The following ERICH1 variants were observed in gnomAD, a reference collection of about 807,000 sequenced individuals.
ERICH1 encodes glutamate-rich protein 1.
Under a neutral mutation model 39.6 loss-of-function variants are expected in ERICH1, and 56 were observed. That is an observed-to-expected ratio of 1.41 (90% CI 1.14 to 1.77). ERICH1 has a LOEUF of 1.77. Among genes scored for constraint, ERICH1 ranks in the 40% most tolerant of loss-of-function variants. The pLI, the probability that ERICH1 is intolerant of heterozygous loss-of-function variation, is 0.00. For missense variants in ERICH1, 826 were observed against 575.4 expected, an observed-to-expected ratio of 1.44 and a Z score of -4.45; for synonymous variants, 313 against 223.6, an observed-to-expected ratio of 1.40 and a Z score of -3.57.
chr8:689,907 G>C (rs543635553), intron 3 of ERICH1, among the ~76,000 whole-genome samples: 5 of 152,156 alleles, frequency 3.3e-5, no homozygotes, highest in African/African-American at 1.2e-4. Context: ...CCAGGACCGT[G>C]AGCAGAAGAG....
intron 3 of ERICH1, among the ~76,000 whole-genome samples, chr8:627,534 A>G (rs988443474): frequency 1.3e-5 from 2 of 152,240 alleles, no homozygotes; most frequent in African/African-American, 4.8e-5. Context: ...CAAGTTTTAC[A>G]AAGCGTCAGT....
chr8:638,955 CTA>C (rs1798683034), intron 3 of ERICH1, among the ~76,000 whole-genome samples: 1 of 152,140 alleles, frequency 6.6e-6, no homozygotes, highest in Non-Finnish European at 1.5e-5. Flanking sequence ...CCATAAACGC[CTA>C]TCTTTCCAGG....
intron 1 of ERICH1, among the ~76,000 whole-genome samples, chr8:726,039 C>T (rs1441120353): frequency 2.0e-5 from 3 of 152,202 alleles, no homozygotes; most frequent in Admixed American, 6.5e-5. Flanking sequence ...TCCTGCAGCA[C>T]AGCAATGACT....
downstream of ERICH1, among the ~76,000 whole-genome samples, chr8:662,555 G>A (rs766316496): frequency 4.6e-5 from 7 of 152,152 alleles, no homozygotes; most frequent in Admixed American, 3.9e-4. Context: ...GGCTGAGGCT[G>A]GAGAATCGCT....
chr8:704,817 G>GC (rs1585511749), intron 2 of ERICH1, among the ~76,000 whole-genome samples: 1 of 152,120 alleles, frequency 6.6e-6, no homozygotes, highest in Non-Finnish European at 1.5e-5. Flanking sequence ...GACTCTGAAA[G>GC]GGGGGGTGGT....
chr8:730,208 C>A (rs924516195), intron 1 of ERICH1, among the ~76,000 whole-genome samples: 8 of 152,338 alleles, frequency 5.3e-5, no homozygotes, highest in African/African-American at 1.7e-4. Flanking sequence ...GGTGACAATT[C>A]CCTGGTCCTG....
rs761231123 is a variant in ERICH1 at position 673,687 on chromosome 8, C to A, written c.665G>T (p.Gly222Val). 1.7e-5 allele frequency: 27 copies of A among 1,613,740 alleles called. No individual in the cohort carries two copies. The highest frequency in any genetic ancestry group is 1.5e-4 in the South Asian group (14 of 91,066). Residue 222 changes from glycine to valine, a missense_variant, in exon 4 of 6, where the codon GGG becomes GTG. By Grantham distance (109) the Gly-to-Val change is moderately radical. Transcript: ENST00000262109. The stretch of plus-strand genomic sequence containing the variant: ...CCTGGTATCTTTAACGTCTTCCTCC[C>A]CGGCCAGTGTCGGGTCTTCCTCGCT... ...DTSEEDPTLA[G>V]EEDVKDTREE...
exon 4 of ERICH1, chr8:615,026 T>G (rs1385797841): frequency 4.5e-6 from 2 of 447,830 alleles, no homozygotes; most frequent in African/African-American, 4.0e-5. Context: ...CAAGCCACCT[T>G]GGAGCAGACG....
chr8:642,595 C>T (rs1267166283), intron 3 of ERICH1, among the ~76,000 whole-genome samples: 3 of 151,974 alleles, frequency 2.0e-5, no homozygotes, highest in Non-Finnish European at 4.4e-5. Context: ...CTGCCCGCCT[C>T]GGCCTCCCAA....
intron 4 of ERICH1, chr8:669,098 C>T (rs1334207045): frequency 3.2e-5 from 10 of 309,298 alleles, no homozygotes; most frequent in South Asian, 1.4e-4. Context: ...TCTGGTGAGA[C>T]GCCTCCCCTG....
At chr8:632,870 G>C (rs145698815) in intron 3 of ERICH1, among the ~76,000 whole-genome samples, 1 of 152,336 alleles carries the variant, frequency 6.6e-6, no homozygotes, top group Non-Finnish European at 1.5e-5. Flanking sequence ...TGTGGGTGGA[G>C]ACCACGGATG....
chr8:617,964 G>A (rs1347370990), intron 3 of ERICH1, among the ~76,000 whole-genome samples: 2 of 143,774 alleles, frequency 1.4e-5, no homozygotes, highest in Non-Finnish European at 3.0e-5. Context: ...CCCTCTGAGT[G>A]CTGGGTGCTC....
intron 1 of ERICH1, chr8:725,470 C>T (rs1818386676): frequency 6.6e-6 from 1 of 152,504 alleles, no homozygotes; most frequent in Admixed American, 6.5e-5. Context: ...CCATCCCCAT[C>T]GAGACCTAGG....
At chr8:618,811 A>C (rs1177513592) in intron 3 of ERICH1, among the ~76,000 whole-genome samples, 1 of 152,140 alleles carries the variant, frequency 6.6e-6, no homozygotes, top group Non-Finnish European at 1.5e-5. Context: ...GCGCCACTTG[A>C]GACAAGGTCC....
intron 3 of ERICH1, among the ~76,000 whole-genome samples, chr8:689,215 G>T (rs1400013717): frequency 6.6e-6 from 1 of 152,164 alleles, no homozygotes; most frequent in Non-Finnish European, 1.5e-5. Context: ...CAGTTCAAGC[G>T]ATTCTCAGGC....
rs1585116657 is a variant in ERICH1, at chr8:664,211, G to A, written c.*392C>T. 1 of 987,800 alleles carries A rather than the reference G, an allele frequency of 1.0e-6. No individual in the cohort carries two copies. Among genetic ancestry groups the A allele is most frequent in the Non-Finnish European group, 1.2e-6 (1 of 831,018 alleles). 61.2% of individuals were successfully genotyped at this position (987,800 alleles called of 1,614,324 possible). On this transcript the variant is annotated 3_prime_UTR_variant, in exon 6 of 6. Transcript: ENST00000262109. ...AACTATATTCAAACTACTTAAACTA[G>A]AACATTTTAATACCCAGAAAGCATT...
In ERICH1 at chr8:731,187, C is replaced by A. The variant is rs1234808206; in HGVS notation, c.-26G>T. The A allele has an allele frequency of 5.3e-6, 8 of 1,495,818 alleles. No homozygotes were observed. Among genetic ancestry groups the A allele is most frequent in the Admixed American group, 2.1e-5 (1 of 46,662 alleles). 92.7% of individuals were successfully genotyped at this position (1,495,818 alleles called of 1,614,324 possible). On this transcript the variant is annotated 5_prime_UTR_variant, in exon 1 of 6. Transcript: ENST00000262109. ...GCGGGACCCTGCCGCGGACCTCAGACCACGGCGCGCGGTCCTGAGCTGAGC... is the reference window on the plus strand; with the variant it reads ...GCGGGACCCTGCCGCGGACCTCAGAACACGGCGCGCGGTCCTGAGCTGAGC...
intron 5 of ERICH1, among the ~76,000 whole-genome samples, chr8:665,167 ACCACAATCGCGATG>A (rs904530264): frequency 4.0e-5 from 6 of 151,498 alleles, no homozygotes; most frequent in Non-Finnish European, 8.8e-5. Flanking sequence ...CAGCCAAGAC[ACCACAATCGCGATG>A]CCACAATCGC....
Position 673,869 on chromosome 8 carries a change from T to C in ERICH1, c.483A>G (p.Lys161=). 2 of 1,613,746 alleles carry C rather than the reference T, an allele frequency of 1.2e-6. No individual in the cohort carries two copies. Among genetic ancestry groups the C allele is most frequent in the Non-Finnish European group, 1.7e-6 (2 of 1,179,996 alleles). ...HTDGTTISKN[K]KRKLKKKQQI... ...GCTGTTTCTTTTTCAGTTTCCTTTT[T>C]TTATTTTTGCTTATTGTGGTGCCAT... Residue 161 remains lysine (K), a synonymous_variant, in exon 4 of 6, where the codon AAA becomes AAG. Transcript: ENST00000262109.
Sources: gnomAD v4.1 joint callset for allele counts (sites outside exome capture counted in the v4.1 genomes callset) on GRCh38, gnomAD v4.1.1 for gene constraint, MANE v1.5 for transcripts, NCBI Gene and HGNC (gene_info 2026-07-23, HGNC 2026-07-21) for gene names.